ERC1: variants seen among roughly 807,000 people sequenced by gnomAD.
ERC1 encodes ELKS/RAB6-interacting/CAST family member 1.
ERC1 carries 56 observed loss-of-function variants against 132.0 expected under a neutral mutation model. That is an observed-to-expected ratio of 0.42 (90% CI 0.34 to 0.53). The LOEUF (loss-of-function observed/expected upper bound fraction) is 0.53. ERC1 is among the 20% of genes least tolerant of loss of function. The pLI is 0.03. For missense variants in ERC1, 1,202 were observed against 1,349.9 expected, an observed-to-expected ratio of 0.89 and a Z score of 1.72; for synonymous variants, 478 against 476.1, an observed-to-expected ratio of 1.00 and a Z score of -0.05.
intron 4 of ERC1, 25 bp downstream of exon 4, chr12:1,104,849 CT>C: frequency 6.7e-7 from 1 of 1,495,978 alleles, no homozygotes; most frequent in Non-Finnish European, 9.3e-7. Flanking sequence ...AGTAAAGAAT[CT>C]TATGAATTAC....
intron 15 of ERC1, among the ~76,000 whole-genome samples, chr12:1,336,430 G>T (rs1270504585): frequency 6.6e-6 from 1 of 152,156 alleles, no homozygotes; most frequent in Admixed American, 6.5e-5. Flanking sequence ...CTGTGTCCCA[G>T]AGATTCTGGT....
At chr12:1,280,348 C>T (rs2078594726) in intron 14 of ERC1, among the ~76,000 whole-genome samples, 1 of 152,108 alleles carries the variant, frequency 6.6e-6, no homozygotes, top group Admixed American at 6.6e-5. Context: ...TTATCCTATT[C>T]AACAGATAGT....
intron 12 of ERC1, among the ~76,000 whole-genome samples, chr12:1,213,250 C>G (rs1020367211): frequency 6.6e-6 from 1 of 152,146 alleles, no homozygotes. Flanking sequence ...TAGTGTCTTA[C>G]ATTTATTTAG....
At chr12:1,438,258 T>A (rs929525201) in intron 17 of ERC1, among the ~76,000 whole-genome samples, 3 of 152,232 alleles carry the variant, frequency 2.0e-5, no homozygotes, top group African/African-American at 7.2e-5. Context: ...GGGTAAAGAC[T>A]TTGAGGCAGA....
intron 1 of ERC1, among the ~76,000 whole-genome samples, chr12:1,021,126 A>G (rs1252660423): frequency 6.6e-6 from 1 of 152,066 alleles, no homozygotes; most frequent in Non-Finnish European, 1.5e-5. Flanking sequence ...TTTTTAGTAG[A>G]GACGGGGTTT....
At chr12:1,418,651 C>CTTT (rs1250366738) in intron 17 of ERC1, among the ~76,000 whole-genome samples, 50 of 132,126 alleles carry the variant, frequency 3.8e-4, no homozygotes, top group African/African-American at 1.1e-3. Flanking sequence ...TTCTCTCTCT[C>CTTT]TCTCTCTCTC....
intron 12 of ERC1, among the ~76,000 whole-genome samples, chr12:1,220,827 C>CAG (rs1958910333): frequency 6.6e-6 from 1 of 152,186 alleles, no homozygotes; most frequent in Non-Finnish European, 1.5e-5. Flanking sequence ...CCCTCATTAC[C>CAG]TGCCTTCCTC....
intron 2 of ERC1, among the ~76,000 whole-genome samples, chr12:1,045,184 T>C (rs1005859762): frequency 1.3e-5 from 2 of 152,136 alleles, no homozygotes; most frequent in African/African-American, 4.8e-5. Context: ...TACTGTGCTT[T>C]TTAAATTCTT....
chr12:1,109,874 C>G (rs1180674500), intron 4 of ERC1, among the ~76,000 whole-genome samples: 1 of 152,132 alleles, frequency 6.6e-6, no homozygotes, highest in African/African-American at 2.4e-5. Context: ...ATGGCAAAAC[C>G]CTGTCTCTAC....
intron 2 of ERC1, among the ~76,000 whole-genome samples, chr12:1,080,646 A>T (rs2154187677): frequency 6.6e-6 from 1 of 152,186 alleles, no homozygotes; most frequent in East Asian, 1.9e-4. Context: ...GTCTCACGAG[A>T]TCTGATGGGT....
At chr12:1,364,586 G>A (rs113844319) in intron 15 of ERC1, among the ~76,000 whole-genome samples, 142 of 152,264 alleles carry the variant, frequency 9.3e-4, no homozygotes, top group African/African-American at 3.0e-3. Context: ...GTCCTCACAT[G>A]TGACTGGTGC....
chr12:1,156,132 TA>T (rs1951371111), intron 8 of ERC1, among the ~76,000 whole-genome samples: 1 of 152,172 alleles, frequency 6.6e-6, no homozygotes, highest in Non-Finnish European at 1.5e-5. Flanking sequence ...TATCTCATCT[TA>T]AAAAATATCT....
At chr12:1,121,182 G>A (rs1947043344) in intron 7 of ERC1, among the ~76,000 whole-genome samples, 4 of 152,230 alleles carry the variant, frequency 2.6e-5, no homozygotes. Context: ...TAGAGAGACT[G>A]AGGTTACATG....
chr12:1,300,626 A>T (rs1349306446), intron 15 of ERC1, among the ~76,000 whole-genome samples: 1 of 152,214 alleles, frequency 6.6e-6, no homozygotes, highest in Non-Finnish European at 1.5e-5. Context: ...CAACCCCATT[A>T]AAAAATGGGC....
chr12:1,404,099 A>G (rs1312192685), intron 16 of ERC1, among the ~76,000 whole-genome samples: 1 of 152,232 alleles, frequency 6.6e-6, no homozygotes, highest in Admixed American at 6.5e-5. Flanking sequence ...TGAGTAATTT[A>G]TAAACAATAG....
intron 15 of ERC1, among the ~76,000 whole-genome samples, chr12:1,342,131 T>G (rs2083958631): frequency 6.6e-6 from 1 of 151,934 alleles, no homozygotes; most frequent in Non-Finnish European, 1.5e-5. Flanking sequence ...GAGAGAGTTT[T>G]TCCTGAAAAA....
At chr12:1,082,027 C>CTTGT (rs10560159) in intron 2 of ERC1, among the ~76,000 whole-genome samples, 3 of 151,310 alleles carry the variant, frequency 2.0e-5, no homozygotes, top group Non-Finnish European at 4.4e-5. Context: ...TTCGGTTTTG[C>CTTGT]TTGTTTGTTT....
chr12:1,428,195 G>C (rs979069059), intron 17 of ERC1, among the ~76,000 whole-genome samples: 1 of 152,140 alleles, frequency 6.6e-6, no homozygotes, highest in Non-Finnish European at 1.5e-5. Context: ...GGACAACAAA[G>C]TATCTTTGTA....
chr12:1,307,492 G>A (rs976742596), intron 15 of ERC1, among the ~76,000 whole-genome samples: 1 of 152,206 alleles, frequency 6.6e-6, no homozygotes, highest in Non-Finnish European at 1.5e-5. Context: ...GAGTTTTTCT[G>A]TTGCAGCTGC....
Sources: allele counts gnomAD v4.1 joint callset (sites outside exome capture counted in the v4.1 genomes callset), GRCh38; gene constraint gnomAD v4.1.1; transcripts MANE v1.5; gene names NCBI Gene and HGNC (gene_info 2026-07-23, HGNC 2026-07-21).